The following FRMD3 variants were observed in gnomAD, a reference collection of about 807,000 sequenced individuals.
FRMD3 encodes FERM domain-containing protein 3.
In FRMD3, 33 loss-of-function variants were observed where a neutral mutation model predicts 70.2. The ratio of observed to expected loss-of-function variants is 0.47; its 90% CI spans 0.36 to 0.63. The LOEUF (loss-of-function observed/expected upper bound fraction) is 0.63. Ranked by LOEUF, FRMD3 falls within the 20% of genes least tolerant of loss-of-function variation. The probability of loss-of-function intolerance (pLI) is 0.00; values close to 1 mark genes in which losing one functional copy is unlikely to be tolerated. For missense variants in FRMD3, 632 were observed against 711.4 expected (o/e 0.89, Z 1.27); for synonymous variants, 279 against 255.9 (o/e 1.09, Z -0.86).
At chr9:83,372,370 GA>G (rs34110409) in intron 3 of FRMD3, among the ~76,000 whole-genome samples, 76 of 18,480 alleles carry the variant, frequency 4.1e-3, no homozygotes, top group Non-Finnish European at 6.4e-3. Flanking sequence ...AGAGAGAGAC[GA>G]AAAAAAAAAA....
At chr9:83,483,451 T>G (rs1198832873) in intron 1 of FRMD3, among the ~76,000 whole-genome samples, 3 of 152,202 alleles carry the variant, frequency 2.0e-5, no homozygotes, top group Non-Finnish European at 4.4e-5. Context: ...CAGCTCAGGA[T>G]CTACATTTTC....
intron 1 of FRMD3, among the ~76,000 whole-genome samples, chr9:83,396,964 G>A (rs933014800): frequency 2.0e-5 from 3 of 152,224 alleles, no homozygotes. Context: ...ATGAGCCCGG[G>A]AGCAGTCCAT....
the FRMD3 span, among the ~76,000 whole-genome samples, chr9:83,545,594 T>C: frequency 1.3e-5 from 2 of 151,990 alleles, no homozygotes; most frequent in Admixed American, 6.6e-5. Flanking sequence ...CCTGACCTCG[T>C]GATCTGCCCC....
chr9:83,538,798 G>A (rs115809647), upstream of FRMD3, among the ~76,000 whole-genome samples: 798 of 150,522 alleles, frequency 5.3e-3, 4 homozygotes, highest in African/African-American at 0.019. This position sits in a 1 kb window ranked among gnomAD's most constrained non-coding sequence, Gnocchi z 4.7. Flanking sequence ...TCAGCTCCAG[G>A]GACCTGGCGC....
intron 1 of FRMD3, among the ~76,000 whole-genome samples, chr9:83,525,442 A>G (rs1460605460): frequency 6.6e-6 from 1 of 152,256 alleles, no homozygotes; most frequent in Non-Finnish European, 1.5e-5. Flanking sequence ...ACTATATACA[A>G]AACAAAATTT....
At chr9:83,527,836 CT>C (rs981411665) in intron 1 of FRMD3, among the ~76,000 whole-genome samples, 9 of 152,168 alleles carry the variant, frequency 5.9e-5, no homozygotes, top group African/African-American at 2.2e-4. Context: ...ATTATTTTTC[CT>C]GCCTCTGGAC....
chr9:83,284,061 A>ATTTTT (rs71365307), intron 13 of FRMD3, among the ~76,000 whole-genome samples: 14 of 101,626 alleles, frequency 1.4e-4, no homozygotes, highest in East Asian at 2.6e-4. Context: ...CTAGGATGTT[A>ATTTTT]TTTTTTTTTT....
intron 1 of FRMD3, among the ~76,000 whole-genome samples, chr9:83,501,457 A>G (rs1829067166): frequency 6.6e-6 from 1 of 152,194 alleles, no homozygotes; most frequent in Non-Finnish European, 1.5e-5. Flanking sequence ...TTTTATAAAC[A>G]CGGAGTGTTC....
At chr9:83,272,123 C>T (rs1833578759) in intron 13 of FRMD3, among the ~76,000 whole-genome samples, 2 of 151,856 alleles carry the variant, frequency 1.3e-5, no homozygotes, top group South Asian at 2.1e-4. Flanking sequence ...CTCTGTCTCC[C>T]TCTCTCTCCA....
At chr9:83,401,164 C>A (rs775171686) in intron 1 of FRMD3, among the ~76,000 whole-genome samples, 1 of 152,156 alleles carries the variant, frequency 6.6e-6, no homozygotes, top group East Asian at 1.9e-4. Flanking sequence ...GAGCTAATTG[C>A]GTTCCCATTT....
chr9:83,472,850 A>T (rs946375979), intron 1 of FRMD3, among the ~76,000 whole-genome samples: 10 of 152,134 alleles, frequency 6.6e-5, no homozygotes, highest in Admixed American at 6.5e-4. Context: ...GACTACCTCA[A>T]ATGCACATAA....
chr9:83,404,088 A>T (rs1826031067), intron 1 of FRMD3, among the ~76,000 whole-genome samples: 1 of 151,936 alleles, frequency 6.6e-6, no homozygotes, highest in Non-Finnish European at 1.5e-5. Context: ...ACACACACAC[A>T]CACAAGCAGG....
chr9:83,510,427 GGTAA>G (rs1829312888), intron 1 of FRMD3, among the ~76,000 whole-genome samples: 1 of 152,152 alleles, frequency 6.6e-6, no homozygotes, highest in South Asian at 2.1e-4. Context: ...ATGGCTGGCG[GGTAA>G]GGTAACATGG....
chr9:83,350,599 G>A lies in FRMD3; in HGVS notation c.296-842C>T, dbSNP rs151097329. 9.1e-3 allele frequency: 2,012 copies of A among 220,694 alleles called. 56 individuals carry two copies. The highest frequency in any genetic ancestry group is 0.062 in the African/African-American group (1,915 of 31,056). 13.7% of individuals were successfully genotyped at this position (220,694 alleles called of 1,614,324 possible). A position where few individuals can be genotyped will look rare whatever the true frequency, so the allele number is the denominator to read the frequency against. ...CATTGCACCATTGCACTCCAGCCTG[G>A]GCAATAAGAGTGAAACTCCATCTCA... On this transcript the variant is annotated intron_variant, in intron 3 of 13. Coordinates refer to ENST00000304195, the MANE Select transcript of FRMD3 (RefSeq NM_174938.6).
intron 2 of FRMD3, among the ~76,000 whole-genome samples, chr9:83,375,140 C>A (rs528677875): frequency 3.9e-5 from 6 of 152,156 alleles, no homozygotes; most frequent in Non-Finnish European, 8.8e-5. Flanking sequence ...GATTCCAAAA[C>A]CAGGTGCAGG....
intron 13 of FRMD3, among the ~76,000 whole-genome samples, chr9:83,283,778 G>A (rs970123442): frequency 2.6e-5 from 4 of 152,092 alleles, no homozygotes; most frequent in Admixed American, 6.5e-5. Context: ...TGTGCAATGC[G>A]AAAATGATGC....
chr9:83,347,854 C>A (rs1824012904), intron 4 of FRMD3, among the ~76,000 whole-genome samples: 1 of 152,160 alleles, frequency 6.6e-6, no homozygotes, highest in South Asian at 2.1e-4. Flanking sequence ...ACTGTGTTTA[C>A]TAAGAAAAGT....
intron 1 of FRMD3, among the ~76,000 whole-genome samples, chr9:83,536,953 A>AAAAAAAAAAAAAAAAG (rs1564121093): frequency 1.6e-4 from 23 of 146,956 alleles, no homozygotes; most frequent in African/African-American, 5.3e-4. Context: ...AAAAAAAAAA[A>AAAAAAAAAAAAAAAAG]GCTCAGTCCC....
intron 1 of FRMD3, among the ~76,000 whole-genome samples, chr9:83,445,346 A>G (rs954921070): frequency 2.2e-5 from 3 of 137,652 alleles, no homozygotes; most frequent in Non-Finnish European, 4.6e-5. Flanking sequence ...AAATAAATAG[A>G]TAGATAGATA....
Sources: gnomAD v4.1 joint callset for allele counts (sites outside exome capture counted in the v4.1 genomes callset) on GRCh38, gnomAD v4.1.1 for gene constraint, Gnocchi (gnomAD v3.1) non-coding constraint, MANE v1.5 for transcripts, NCBI Gene and HGNC (gene_info 2026-07-23, HGNC 2026-07-21) for gene names.